SPATS2L: variants seen among roughly 807,000 people sequenced by gnomAD.
The protein encoded by SPATS2L is spermatogenesis associated serine rich 2 like, also known as SPATS2-like protein.
SPATS2L carries 30 observed loss-of-function variants against 59.6 expected under a neutral mutation model. The observed-to-expected ratio is 0.50, with a 90% confidence interval of 0.38 to 0.68. The LOEUF (loss-of-function observed/expected upper bound fraction) is 0.68, where lower values mean the gene tolerates loss of function less well. Ranked by LOEUF, SPATS2L falls within the 30% of genes least tolerant of loss-of-function variation. The pLI, the probability that SPATS2L is intolerant of heterozygous loss-of-function variation, is 0.00. For synonymous variants in SPATS2L, 252 were observed against 263.5 expected, an observed-to-expected ratio of 0.96 and a Z score of 0.42; for missense variants, 615 against 700.0, an observed-to-expected ratio of 0.88 and a Z score of 1.37.
chr2:200,377,090 T>A (rs2081625505), intron 2 of SPATS2L, among the ~76,000 whole-genome samples: 1 of 152,254 alleles, frequency 6.6e-6, no homozygotes, highest in South Asian at 2.1e-4. Flanking sequence ...GCACTTGCTG[T>A]GTGCCAGGCA....
intron 2 of SPATS2L, among the ~76,000 whole-genome samples, chr2:200,365,930 A>G (rs1037658918): frequency 6.6e-6 from 1 of 152,172 alleles, no homozygotes; most frequent in Non-Finnish European, 1.5e-5. Flanking sequence ...GCACAAGCCT[A>G]TATACATAGG....
At chr2:200,401,437 A>C (rs1429787851) in intron 3 of SPATS2L, among the ~76,000 whole-genome samples, 1 of 152,208 alleles carries the variant, frequency 6.6e-6, no homozygotes, top group East Asian at 1.9e-4. Context: ...CCTCTCGAAG[A>C]GTTTTGCTTT....
rs530251632 is a variant in SPATS2L, at chr2:200,433,887, T to G, written c.446-5235T>G. 6.6e-5 allele frequency among the ~76,000 whole-genome samples: 10 copies of G among 152,166 alleles called. No individual in the cohort carries two copies. In the East Asian group the frequency reaches 1.9e-3, roughly 29 times the overall value. On this transcript the variant is annotated intron_variant, in intron 6 of 12. Coordinates refer to ENST00000409140, the MANE Select transcript of SPATS2L (RefSeq NM_001100423.2). ...TGAACATTTGAGGAATAAATGTAAT[T>G]GCAATCTTAAACAGTTTCAGAAAAT...
chr2:200,359,329 G>A (rs2081022861), intron 2 of SPATS2L, among the ~76,000 whole-genome samples: 1 of 152,188 alleles, frequency 6.6e-6, no homozygotes, highest in African/African-American at 2.4e-5. Flanking sequence ...CTTCTGAGCT[G>A]CTCTAACCAA....
intron 2 of SPATS2L, among the ~76,000 whole-genome samples, chr2:200,357,152 C>G (rs1268362296): frequency 6.6e-6 from 1 of 152,144 alleles, no homozygotes; most frequent in African/African-American, 2.4e-5. Context: ...TGTCATCATC[C>G]AACATTCTTC....
intron 6 of SPATS2L, among the ~76,000 whole-genome samples, chr2:200,421,121 A>G (rs954144850): frequency 6.6e-6 from 1 of 152,170 alleles, no homozygotes; most frequent in Non-Finnish European, 1.5e-5. Context: ...AGGATATGAT[A>G]TGGTCTAGGC....
chr2:200,332,565 A>G (rs1421905998), intron 2 of SPATS2L, among the ~76,000 whole-genome samples: 2 of 152,132 alleles, frequency 1.3e-5, no homozygotes, highest in Non-Finnish European at 2.9e-5. Flanking sequence ...TTTTTAATAC[A>G]GTAAAATGCA....
chr2:200,479,732 T>A lies in SPATS2L; in HGVS notation c.*1701T>A. The A allele has an allele frequency of 2.5e-6, 1 of 398,668 alleles. No homozygotes were observed. Among genetic ancestry groups the A allele is most frequent in the Non-Finnish European group, 4.4e-6 (1 of 226,082 alleles). The allele number at this position is 398,668 out of a possible 1,614,324, so 24.7% of individuals were successfully genotyped here. Reference sequence around the variant, plus strand: ...CTCAACTCAACATTAACATTTTTTCTGGCAACCCAGGTTCACTGGTTCTCT... The same window carrying A: ...CTCAACTCAACATTAACATTTTTTCAGGCAACCCAGGTTCACTGGTTCTCT... On this transcript the variant is annotated 3_prime_UTR_variant, in exon 13 of 13. Transcript: ENST00000409140.
chr2:200,378,842 T>C lies in SPATS2L; in HGVS notation c.-22-10381T>C, dbSNP rs185942886. On this transcript the variant is annotated intron_variant, in intron 2 of 12. Transcript: ENST00000409140. ...GGTTCTTTTTGCTGGTTCAGAGTTA[T>C]ATTGCAGAACCACAATCCATGTTTT... is the stretch of plus-strand genomic sequence containing the variant. Among the ~76,000 whole-genome samples the C allele has an allele frequency of 1.1e-4, 16 of 152,260 alleles. No individual in the cohort carries two copies. In the South Asian group the frequency reaches 2.7e-3, roughly 26 times the overall value.
At chr2:200,391,254 G>C (rs2082164813) in intron 3 of SPATS2L, among the ~76,000 whole-genome samples, 1 of 152,170 alleles carries the variant, frequency 6.6e-6, no homozygotes, top group Non-Finnish European at 1.5e-5. Context: ...AATTACATTT[G>C]TTGCAGATAT....
chr2:200,352,063 GA>G, intron 2 of SPATS2L, among the ~76,000 whole-genome samples: 1 of 152,090 alleles, frequency 6.6e-6, no homozygotes, highest in Non-Finnish European at 1.5e-5. Flanking sequence ...GAAAGAGCCA[GA>G]GACTGATGGG....
At chr2:200,398,174 G>A (rs1222152065) in intron 3 of SPATS2L, among the ~76,000 whole-genome samples, 1 of 152,172 alleles carries the variant, frequency 6.6e-6, no homozygotes, top group Non-Finnish European at 1.5e-5. Context: ...TGTGGCTGGG[G>A]TGCAAATGCA....
intron 3 of SPATS2L, among the ~76,000 whole-genome samples, chr2:200,397,265 C>G (rs776627824): frequency 6.6e-6 from 1 of 152,144 alleles, no homozygotes; most frequent in Non-Finnish European, 1.5e-5. Flanking sequence ...AAATGAAACC[C>G]TGTGGCAGCA....
Position 200,329,427 on chromosome 2 carries a change from C to T in SPATS2L, c.-72-4C>T. The T allele has an allele frequency of 6.4e-7, 1 of 1,550,414 alleles. No homozygotes were observed. The highest frequency in any genetic ancestry group is 8.7e-7 in the Non-Finnish European group (1 of 1,146,910). Reference sequence around the variant, plus strand: ...CTGACTTCCCAAATTTCCATTTTTCCTAGAGCTCTTCAGAAACCAGGCTGC... The same window carrying T: ...CTGACTTCCCAAATTTCCATTTTTCTTAGAGCTCTTCAGAAACCAGGCTGC... On this transcript the variant is annotated splice_polypyrimidine_tract_variant and splice_region_variant and intron_variant, in intron 1 of 12. Transcript: ENST00000409140.
chr2:200,466,309 T>TA (rs538541211), intron 9 of SPATS2L, among the ~76,000 whole-genome samples: 37 of 149,364 alleles, frequency 2.5e-4, no homozygotes, highest in African/African-American at 7.0e-4. Flanking sequence ...CCTTTTTTCT[T>TA]ACACCTCAAA....
At chr2:200,406,533 A>G (rs530603905) in intron 3 of SPATS2L, among the ~76,000 whole-genome samples, 4 of 152,182 alleles carry the variant, frequency 2.6e-5, no homozygotes, top group Non-Finnish European at 4.4e-5. Context: ...GCCTCTCTTC[A>G]TCTGCACTCC....
chr2:200,395,698 A>G (rs2082307963), intron 3 of SPATS2L, among the ~76,000 whole-genome samples: 1 of 152,090 alleles, frequency 6.6e-6, no homozygotes, highest in East Asian at 1.9e-4. Context: ...ACAATTAAAA[A>G]ATGGAAAAAG....
chr2:200,398,937 C>T (rs1312850218), intron 3 of SPATS2L, among the ~76,000 whole-genome samples: 5 of 152,144 alleles, frequency 3.3e-5, no homozygotes, highest in Admixed American at 2.6e-4. Context: ...ACTGGCATAA[C>T]ATTTCTGATG....
chr2:200,373,511 C>T (rs775871194), intron 2 of SPATS2L, among the ~76,000 whole-genome samples: 1 of 152,088 alleles, frequency 6.6e-6, no homozygotes, highest in Non-Finnish European at 1.5e-5. Flanking sequence ...TTTCTAATAC[C>T]TCCTCGCATT....
Sources: allele counts gnomAD v4.1 joint callset (sites outside exome capture counted in the v4.1 genomes callset), GRCh38; gene constraint gnomAD v4.1.1; transcripts MANE v1.5; gene names NCBI Gene and HGNC (gene_info 2026-07-23, HGNC 2026-07-21).